Variants in EEF1E1 observed in about 807,000 individuals in gnomAD.
The protein encoded by EEF1E1 is eukaryotic translation elongation factor 1 epsilon-1.
In EEF1E1, 19 loss-of-function variants were observed where a neutral mutation model predicts 19.9. The observed-to-expected ratio is 0.95, with a 90% CI of 0.66 to 1.40. EEF1E1 has a LOEUF of 1.40. Among genes scored for constraint, EEF1E1 ranks in the 40% most tolerant of loss-of-function variants. EEF1E1 has a pLI of 0.00. For missense variants in EEF1E1, 198 were observed against 202.2 expected, an observed-to-expected ratio of 0.98 and a Z score of 0.13; for synonymous variants, 81 against 80.0, an observed-to-expected ratio of 1.01 and a Z score of -0.07.
chr6:8,079,606 C>G lies in EEF1E1; in HGVS notation c.*284G>C. 9.3e-7 allele frequency: 1 copy of G among 1,071,830 alleles called. No individual in the cohort carries two copies. Among genetic ancestry groups the G allele is most frequent in the Non-Finnish European group, 1.1e-6 (1 of 883,446 alleles). The allele number at this position is 1,071,830 out of a possible 1,614,324, so 66.4% of individuals were successfully genotyped here. ...ATGACCACCAATTTTAAGATTAAGC[C>G]CGATTTGCAACTTTTATTGAAATAA... is the stretch of plus-strand genomic sequence containing the variant. On this transcript the variant is annotated 3_prime_UTR_variant, in exon 4 of 4. Transcript: ENST00000379715.
At chr6:8,101,930 T>A (rs936637946) in intron 1 of EEF1E1, 48 of 1,239,872 alleles carry the variant, frequency 3.9e-5, no homozygotes, top group Admixed American at 2.3e-4. Context: ...ATGGTTGCAA[T>A]GTTTGTCCAC....
chr6:8,087,508 G>A (rs552952453), intron 3 of EEF1E1, among the ~76,000 whole-genome samples: 2 of 152,144 alleles, frequency 1.3e-5, no homozygotes, highest in African/African-American at 4.8e-5. Context: ...GTGAGCCACC[G>A]CGCCCAGCTA....
At chr6:8,086,756 A>G (rs894345611) in intron 3 of EEF1E1, among the ~76,000 whole-genome samples, 2 of 151,854 alleles carry the variant, frequency 1.3e-5, no homozygotes, top group Admixed American at 1.3e-4. Context: ...TATAGAGGAA[A>G]CTCCTTGAAA....
At chr6:8,079,090 T>A (rs947200530), downstream of EEF1E1, among the ~76,000 whole-genome samples, 10 of 152,352 alleles carry the variant, frequency 6.6e-5, no homozygotes, top group Non-Finnish European at 1.0e-4. Flanking sequence ...GCCTCTGTTC[T>A]TCACACAGCA....
intron 3 of EEF1E1, among the ~76,000 whole-genome samples, chr6:8,089,092 A>C (rs557399299): frequency 6.6e-6 from 1 of 152,280 alleles, no homozygotes; most frequent in East Asian, 1.9e-4. Context: ...ATTTATTTGG[A>C]CTGGCCAAGA....
chr6:8,077,903 C>T (rs1345098990), downstream of EEF1E1, among the ~76,000 whole-genome samples: 15 of 152,232 alleles, frequency 9.9e-5, no homozygotes, highest in Middle Eastern at 3.4e-3. Context: ...GTGATCCTCC[C>T]ACCTCAGCCT....
chr6:8,082,225 T>C (rs1023057871), intron 3 of EEF1E1, among the ~76,000 whole-genome samples: 1 of 152,226 alleles, frequency 6.6e-6, no homozygotes, highest in East Asian at 1.9e-4. Flanking sequence ...ATAGTTTTTA[T>C]TCCAAGAGCT....
At position 8,079,981 on chromosome 6, in the gene EEF1E1, C is replaced by G; in HGVS notation, c.434G>C (p.Trp145Ser). Residue 145 changes from tryptophan (W) to serine (S), a missense_variant, in exon 4 of 4, where the codon TGG (tryptophan) becomes TCG (serine). Transcript: ENST00000379715. ...TGGATAATGCTGAATGTGACAAAAC[C>G]AGCGAGACACATTAAGATATTTCTC... The part of the protein sequence containing the change: ...EKEKYLNVSR[W>S]FCHIQHYPGI... The G allele has an allele frequency of 1.9e-6, 3 of 1,613,560 alleles. No individual in the cohort carries two copies. The highest frequency in any genetic ancestry group is 4.5e-5 in the East Asian group (2 of 44,838).
downstream of EEF1E1, among the ~76,000 whole-genome samples, chr6:8,077,317 C>T (rs538191878): frequency 6.6e-6 from 1 of 152,170 alleles, no homozygotes; most frequent in Non-Finnish European, 1.5e-5. Flanking sequence ...TTCAAGTCAC[C>T]AGCTGCATTA....
chr6:8,083,834 AGGT>A (rs1398583928), intron 3 of EEF1E1, among the ~76,000 whole-genome samples: 4 of 152,228 alleles, frequency 2.6e-5, no homozygotes, highest in Admixed American at 2.6e-4. Flanking sequence ...AAATATCAGC[AGGT>A]GGCCAATCTG....
intron 3 of EEF1E1, among the ~76,000 whole-genome samples, chr6:8,083,875 C>G (rs1049152512): frequency 6.6e-6 from 1 of 152,190 alleles, no homozygotes; most frequent in African/African-American, 2.4e-5. Flanking sequence ...ACCTTAACAC[C>G]TAGAAATCAT....
intron 3 of EEF1E1, among the ~76,000 whole-genome samples, 199 bp from the exon 4 acceptor site, chr6:8,080,229 T>C (rs1039968671): frequency 1.3e-5 from 2 of 152,162 alleles, no homozygotes; most frequent in African/African-American, 4.8e-5. Flanking sequence ...GTGTTCAATG[T>C]TATGTTCAGT....
intron 3 of EEF1E1, among the ~76,000 whole-genome samples, chr6:8,074,363 T>A (rs1419741631): frequency 1.3e-5 from 2 of 152,202 alleles, no homozygotes; most frequent in Admixed American, 1.3e-4. Flanking sequence ...AAAAGGAATG[T>A]ACTGAGCTCA....
At chr6:8,077,753 G>A (rs997595949), downstream of EEF1E1, among the ~76,000 whole-genome samples, 3 of 152,116 alleles carry the variant, frequency 2.0e-5, no homozygotes, top group African/African-American at 4.8e-5. Flanking sequence ...AGGCTGTTTC[G>A]CTTTCCTATC....
intron 3 of EEF1E1, among the ~76,000 whole-genome samples, chr6:8,074,299 C>T (rs1217641450): frequency 6.6e-6 from 1 of 152,156 alleles, no homozygotes; most frequent in Non-Finnish European, 1.5e-5. Context: ...CAATATACAG[C>T]TGTACTGATA....
At chr6:8,092,960 T>C (rs1452938683) in intron 2 of EEF1E1, among the ~76,000 whole-genome samples, 1 of 143,552 alleles carries the variant, frequency 7.0e-6, no homozygotes, top group Non-Finnish European at 1.5e-5. Context: ...CCACAACCTC[T>C]GCCTCCAGGG....
rs540304829 is a variant in EEF1E1 at position 8,088,169 on chromosome 6, G to A, written c.384+2017C>T. The stretch of plus-strand genomic sequence containing the variant: ...ACATTTGTACAGCATGAAGAACAGT[G>A]CCAAGAACATAGTGAGTATCATGTC... On this transcript the variant is annotated intron_variant, in intron 3 of 3. Coordinates refer to ENST00000379715, the MANE Select transcript of EEF1E1 (RefSeq NM_004280.5). 1.2e-4 allele frequency among the ~76,000 whole-genome samples: 18 copies of A among 152,232 alleles called. No individual in the cohort carries two copies. The East Asian group carries it at 2.9e-3, about 24-fold the overall frequency.
intron 1 of EEF1E1, 89 bp downstream of exon 1, chr6:8,102,346 G>C (rs1026125662): frequency 2.5e-5 from 33 of 1,330,574 alleles, no homozygotes; most frequent in Non-Finnish European, 1.5e-5. Flanking sequence ...CACTCCGCCC[G>C]TATCTGGTGG....
downstream of EEF1E1, among the ~76,000 whole-genome samples, chr6:8,077,089 G>A (rs888204312): frequency 1.6e-4 from 24 of 151,950 alleles, no homozygotes; most frequent in Middle Eastern, 3.4e-3. Context: ...GACTACAGGC[G>A]CCCGCCACCA....
Sources: gnomAD v4.1 joint callset for allele counts (sites outside exome capture counted in the v4.1 genomes callset) on GRCh38, gnomAD v4.1.1 for gene constraint, MANE v1.5 for transcripts, NCBI Gene and HGNC (gene_info 2026-07-23, HGNC 2026-07-21) for gene names.